The following RNF38 variants were observed in gnomAD, a reference collection of about 807,000 sequenced individuals.
The protein encoded by RNF38 is ring finger protein 38.
RNF38 carries 15 observed loss-of-function variants against 67.2 expected under a neutral mutation model. That is an observed-to-expected ratio of 0.22 (90% CI 0.15 to 0.34). The LOEUF is 0.34. RNF38 is among the 10% of genes least tolerant of loss of function. RNF38 has a pLI of 1.00. For missense variants in RNF38, 524 were observed against 639.9 expected (o/e 0.82, Z 1.95); for synonymous variants, 220 against 218.8 (o/e 1.01, Z -0.05).
chr9:36,407,693 G>T (rs751064571), intron 2 of RNF38, among the ~76,000 whole-genome samples: 14 of 152,142 alleles, frequency 9.2e-5, no homozygotes, highest in Non-Finnish European at 1.9e-4. Context: ...TGCTTGTTCT[G>T]TTCCGGAGAA....
At chr9:36,397,102 TTG>T (rs1213453093) in intron 1 of RNF38, among the ~76,000 whole-genome samples, 376 of 121,494 alleles carry the variant, frequency 3.1e-3, no homozygotes, top group African/African-American at 0.012. Context: ...TATATATGTT[TTG>T]TTTTTTTTTT....
intron 1 of RNF38, among the ~76,000 whole-genome samples, chr9:36,469,044 G>A (rs780633399): frequency 3.0e-4 from 45 of 152,014 alleles, no homozygotes; most frequent in Non-Finnish European, 5.3e-4. Flanking sequence ...CCCAGGAGGC[G>A]GAGCTTGCAG....
At chr9:36,381,251 T>C (rs1169311239) in intron 2 of RNF38, among the ~76,000 whole-genome samples, 3 of 152,186 alleles carry the variant, frequency 2.0e-5, no homozygotes, top group African/African-American at 7.2e-5. Flanking sequence ...TCTGGAAGGA[T>C]ATTCCCACTG....
At chr9:36,392,010 T>C (rs1467342374) in intron 1 of RNF38, among the ~76,000 whole-genome samples, 1 of 152,202 alleles carries the variant, frequency 6.6e-6, no homozygotes, top group Non-Finnish European at 1.5e-5. Context: ...CTAGGTGCTA[T>C]GGAGAAGTAG....
In RNF38 at chr9:36,344,960, C is replaced by A. The variant is rs376635303; in HGVS notation, c.1264-7G>T. On this transcript the variant is annotated splice_polypyrimidine_tract_variant and splice_region_variant and intron_variant, in intron 9 of 11. Coordinates refer to ENST00000259605, the MANE Select transcript of RNF38 (RefSeq NM_022781.5). ...CTGCCAGGTTTAACAGGGCCTGCAGCGGTAAAAGACGACATATTTTCATCT... is the reference window on the plus strand; with the variant it reads ...CTGCCAGGTTTAACAGGGCCTGCAGAGGTAAAAGACGACATATTTTCATCT... The A allele has an allele frequency of 3.8e-6, 6 of 1,596,676 alleles. No homozygotes were observed. The highest frequency in any genetic ancestry group is 4.3e-6 in the Non-Finnish European group (5 of 1,171,932).
intron 1 of RNF38, among the ~76,000 whole-genome samples, chr9:36,487,075 C>G (rs890178937): frequency 4.6e-5 from 7 of 152,218 alleles, no homozygotes; most frequent in African/African-American, 1.7e-4. Flanking sequence ...CTAGAGAGGT[C>G]CTGCCCTGCA....
chr9:36,447,311 CA>C (rs1839330644), intron 1 of RNF38, among the ~76,000 whole-genome samples: 1 of 152,028 alleles, frequency 6.6e-6, no homozygotes, highest in Middle Eastern at 3.4e-3. Context: ...CCTTCTAGAC[CA>C]AAAGTTGCTT....
At chr9:36,476,411 C>G (rs1456181733) in intron 1 of RNF38, among the ~76,000 whole-genome samples, 2 of 151,964 alleles carry the variant, frequency 1.3e-5, no homozygotes, top group African/African-American at 2.4e-5. Flanking sequence ...CCCACCCAGC[C>G]AAACCTTGTG....
intron 3 of RNF38, among the ~76,000 whole-genome samples, chr9:36,373,883 G>A (rs1427026950): frequency 1.3e-5 from 2 of 151,930 alleles, no homozygotes; most frequent in African/African-American, 4.8e-5. Flanking sequence ...TAGAGACAGG[G>A]TTTCACCATG....
intron 1 of RNF38, among the ~76,000 whole-genome samples, chr9:36,460,783 A>T (rs1393135321): frequency 6.7e-6 from 1 of 150,304 alleles, no homozygotes; most frequent in African/African-American, 2.5e-5. Context: ...GCTACTCAGG[A>T]GGCTGAGGCA....
At chr9:36,462,820 G>A (rs550646552) in intron 1 of RNF38, among the ~76,000 whole-genome samples, 12 of 151,850 alleles carry the variant, frequency 7.9e-5, no homozygotes, top group Non-Finnish European at 1.2e-4. Flanking sequence ...GACTACAGGC[G>A]GGCACCACCA....
chr9:36,401,151 C>T (rs1838007446), upstream of RNF38: 21 of 985,096 alleles, frequency 2.1e-5, no homozygotes, highest in Non-Finnish European at 2.3e-5. Context: ...TTCCCCCAGG[C>T]TCCGCACCGC....
intron 4 of RNF38, among the ~76,000 whole-genome samples, chr9:36,367,216 C>A (rs138761466): frequency 6.6e-6 from 1 of 152,130 alleles, no homozygotes; most frequent in South Asian, 2.1e-4. Context: ...AGAACTAGCA[C>A]CCCACTTTCC....
At chr9:36,446,873 C>A (rs1459762512) in intron 1 of RNF38, among the ~76,000 whole-genome samples, 1 of 138,918 alleles carries the variant, frequency 7.2e-6, no homozygotes, top group Non-Finnish European at 1.5e-5. Flanking sequence ...GTAATCCCAG[C>A]ACTTTGGGAG....
Position 36,478,403 on chromosome 9 carries a change from CA to C in RNF38, n.241+8904del, listed in dbSNP as rs566516265. Among the ~76,000 whole-genome samples the C allele has an allele frequency of 2.1e-3, 150 of 72,294 alleles. 2 individuals are homozygous for C. The South Asian group carries it at 0.037, about 18-fold the overall frequency. 47.4% of individuals were successfully genotyped at this position (72,294 alleles called of 152,430 possible). A position where few individuals can be genotyped will look rare whatever the true frequency, so the allele number is the denominator to read the frequency against. On this transcript the variant is annotated intron_variant and non_coding_transcript_variant, in intron 1 of 3. Coordinates refer to the RNF38 transcript ENST00000488058. ...TGGGGGAGAGAGCGAGACTCCGTCT[CA>C]AAAAAAAAAAAAAAAAAAAGAGAGC...
chr9:36,431,168 C>T (rs1226285108), intron 1 of RNF38, among the ~76,000 whole-genome samples: 1 of 152,144 alleles, frequency 6.6e-6, no homozygotes, highest in Non-Finnish European at 1.5e-5. Flanking sequence ...GCTCATAAAA[C>T]TCAAGGAAAC....
rs1313031929 is a variant in RNF38, at chr9:36,432,520, G to A, written n.242-7837C>T. 2.0e-5 allele frequency among the ~76,000 whole-genome samples: 3 copies of A among 152,172 alleles called. No homozygotes were observed. The East Asian group carries it at 5.8e-4, about 29-fold the overall frequency. On this transcript the variant is annotated intron_variant and non_coding_transcript_variant, in intron 1 of 3. Coordinates refer to the RNF38 transcript ENST00000488058. ...AAAGAAATACTATTGGCCAGGCGCA[G>A]TGGCTCATGCCTGTAATCCCAGCGC...
chr9:36,429,696 A>C (rs1838878362), intron 1 of RNF38, among the ~76,000 whole-genome samples: 1 of 152,192 alleles, frequency 6.6e-6, no homozygotes, highest in Non-Finnish European at 1.5e-5. Flanking sequence ...CGGGAGGCTG[A>C]GGCAGGAGAA....
upstream of RNF38, among the ~76,000 whole-genome samples, chr9:36,401,420 C>G (rs542483859): frequency 6.6e-6 from 1 of 151,978 alleles, no homozygotes; most frequent in Non-Finnish European, 1.5e-5. Flanking sequence ...CGCAATCAAA[C>G]AGTAACTGAC....
Sources: allele counts gnomAD v4.1 joint callset (sites outside exome capture counted in the v4.1 genomes callset), GRCh38; gene constraint gnomAD v4.1.1; transcripts MANE v1.5; gene names NCBI Gene and HGNC (gene_info 2026-07-23, HGNC 2026-07-21).